BTRC: variants seen among roughly 807,000 people sequenced by gnomAD.
BTRC encodes F-box/WD repeat-containing protein 1A.
A neutral mutation model predicts 85.5 loss-of-function variants in BTRC; 42 were observed. The ratio of observed to expected loss-of-function variants is 0.49; its 90% CI spans 0.38 to 0.64. The LOEUF (loss-of-function observed/expected upper bound fraction) is 0.64, where lower values mean the gene tolerates loss of function less well. Ranked by LOEUF, BTRC falls within the 30% of genes least tolerant of loss-of-function variation. The pLI is 0.00. For missense variants in BTRC, 594 were observed against 743.5 expected (o/e 0.80, Z 2.34); for synonymous variants, 255 against 263.3 (o/e 0.97, Z 0.30).
intron 6 of BTRC, among the ~76,000 whole-genome samples, chr10:101,530,958 A>G (rs1210329274): frequency 1.3e-5 from 2 of 152,168 alleles, no homozygotes; most frequent in Non-Finnish European, 2.9e-5. Flanking sequence ...GGGTCATTTG[A>G]GGCCAGGAGT....
intron 11 of BTRC, among the ~76,000 whole-genome samples, chr10:101,536,282 C>G (rs964519622): frequency 6.6e-6 from 1 of 152,162 alleles, no homozygotes; most frequent in African/African-American, 2.4e-5. Context: ...CGTTTTTATG[C>G]CTGGAAGAAC....
At chr10:101,426,277 T>G (rs923030044) in intron 1 of BTRC, among the ~76,000 whole-genome samples, 14 of 152,208 alleles carry the variant, frequency 9.2e-5, no homozygotes, top group African/African-American at 3.4e-4. Context: ...ACAAACCAAT[T>G]TGAAGATTAG....
At chr10:101,436,223 C>A (rs892750073) in intron 2 of BTRC, among the ~76,000 whole-genome samples, 1 of 151,850 alleles carries the variant, frequency 6.6e-6, no homozygotes. Context: ...AATGGTGATC[C>A]TATAATCTAT....
intron 4 of BTRC, among the ~76,000 whole-genome samples, chr10:101,507,088 T>A (rs1460381324): frequency 6.6e-6 from 1 of 152,224 alleles, no homozygotes; most frequent in African/African-American, 2.4e-5. Context: ...TGTACTTGTT[T>A]CCTTGCATTG....
At chr10:101,492,711 GA>G (rs1298681038) in intron 4 of BTRC, among the ~76,000 whole-genome samples, 1 of 152,108 alleles carries the variant, frequency 6.6e-6, no homozygotes, top group Admixed American at 6.5e-5. Context: ...GAAATGTATT[GA>G]ATTCATAAAA....
chr10:101,454,888 T>C (rs1945035148), intron 2 of BTRC, among the ~76,000 whole-genome samples: 4 of 152,082 alleles, frequency 2.6e-5, no homozygotes, highest in Admixed American at 2.6e-4. Flanking sequence ...TTGTGGGAAA[T>C]AACTTGGTGT....
chr10:101,413,114 TTTTG>T (rs1564755633), intron 1 of BTRC, among the ~76,000 whole-genome samples: 1 of 152,134 alleles, frequency 6.6e-6, no homozygotes. Context: ...GAAGTGGTTT[TTTTG>T]TTTGTTTGTT....
chr10:101,509,855 C>A (rs1255937551), intron 4 of BTRC, among the ~76,000 whole-genome samples: 4 of 151,666 alleles, frequency 2.6e-5, no homozygotes, highest in Non-Finnish European at 5.9e-5. Context: ...AGCCACCATG[C>A]CTGACTGGCT....
chr10:101,519,213 G>T (rs2062067145), intron 4 of BTRC, among the ~76,000 whole-genome samples: 1 of 151,710 alleles, frequency 6.6e-6, no homozygotes, highest in Non-Finnish European at 1.5e-5. Context: ...CAAGTAGCTG[G>T]GATTACAGGC....
At chr10:101,435,173 G>A (rs1417102091) in intron 2 of BTRC, among the ~76,000 whole-genome samples, 1 of 152,044 alleles carries the variant, frequency 6.6e-6, no homozygotes, top group Non-Finnish European at 1.5e-5. Flanking sequence ...TATTTACCTA[G>A]ATTTTTATTT....
intron 1 of BTRC, among the ~76,000 whole-genome samples, chr10:101,399,060 C>T (rs1229183348): frequency 6.6e-6 from 1 of 152,188 alleles, no homozygotes; most frequent in Non-Finnish European, 1.5e-5. Context: ...TCAAGCGATT[C>T]TCCTGCATCA....
chr10:101,511,550 G>C (rs1314030550), intron 4 of BTRC, among the ~76,000 whole-genome samples: 1 of 151,362 alleles, frequency 6.6e-6, no homozygotes, highest in Non-Finnish European at 1.5e-5. Context: ...TGGGTTTTTT[G>C]TTTTGTTTTG....
chr10:101,530,440 A>G (rs1048123171), intron 6 of BTRC, among the ~76,000 whole-genome samples: 2 of 151,928 alleles, frequency 1.3e-5, no homozygotes, highest in Non-Finnish European at 1.5e-5. Flanking sequence ...AGTGATCTCC[A>G]TGCCAGAGGC....
intron 3 of BTRC, among the ~76,000 whole-genome samples, chr10:101,472,275 C>CTCTCTTCTCTTCTCTTCCCT (rs1945547432): frequency 8.8e-6 from 1 of 114,244 alleles, no homozygotes; most frequent in South Asian, 3.7e-4. Context: ...TTTTCTTTTC[C>CTCTCTTCTCTTCTCTTCCCT]TCTCTTCTCT....
Position 101,531,331 on chromosome 10 carries a change from G to C in BTRC, c.838G>C (p.Glu280Gln). ...TTATCCTAAAATTATACAAGACATT[G>C]AGGTAAGAATCTATGTATTTTGGGG... ...ALYPKIIQDI[E>Q]TIESNWRCGR... The change falls in exon 7 of 15, where the codon GAG (glutamate) becomes CAG (glutamine). Residue 280 changes from glutamate (E) to glutamine (Q), a missense_variant and splice_region_variant. This residue lies in a region of BTRC where 373 missense variants were observed against 503.6 expected (regional missense o/e 0.74). Coordinates refer to ENST00000370187, the MANE Select transcript of BTRC (RefSeq NM_033637.4). The C allele has an allele frequency of 1.3e-6, 2 of 1,588,444 alleles. No homozygotes were observed. The highest frequency in any genetic ancestry group is 1.7e-6 in the Non-Finnish European group (2 of 1,157,690).
intron 1 of BTRC, among the ~76,000 whole-genome samples, chr10:101,379,922 C>T (rs1320049425): frequency 6.6e-6 from 1 of 152,076 alleles, no homozygotes; most frequent in East Asian, 1.9e-4. Context: ...TATAAGAGTT[C>T]ATATTTTTTG....
chr10:101,440,874 T>C (rs567173166), intron 2 of BTRC, among the ~76,000 whole-genome samples: 1 of 152,322 alleles, frequency 6.6e-6, no homozygotes, highest in East Asian at 1.9e-4. Flanking sequence ...GAGAAGATAA[T>C]ACTTGTAAAA....
chr10:101,551,665 G>A (rs915250827), intron 14 of BTRC, among the ~76,000 whole-genome samples: 5 of 152,204 alleles, frequency 3.3e-5, no homozygotes, highest in South Asian at 4.1e-4. Flanking sequence ...TTCTCGTGGC[G>A]GAAGTACATG....
intron 1 of BTRC, among the ~76,000 whole-genome samples, chr10:101,407,971 C>CTCG (rs1365660969): frequency 8.5e-5 from 13 of 152,262 alleles, no homozygotes; most frequent in Middle Eastern, 3.4e-3. Flanking sequence ...ATCTGCCCAC[C>CTCG]TCGGCCTCCC....
Sources: gnomAD v4.1 joint callset for allele counts (sites outside exome capture counted in the v4.1 genomes callset) on GRCh38, gnomAD v4.1.1 for gene constraint, gnomAD v4.1.1 regional missense constraint, MANE v1.5 for transcripts, NCBI Gene and HGNC (gene_info 2026-07-23, HGNC 2026-07-21) for gene names.